Variants in PLXNB2 observed in about 807,000 individuals in gnomAD.
PLXNB2 encodes plexin B2.
A neutral mutation model predicts 202.6 loss-of-function variants in PLXNB2; 85 were observed. That is an observed-to-expected ratio of 0.42 (90% CI 0.35 to 0.50). The LOEUF (loss-of-function observed/expected upper bound fraction) is 0.50, where lower values mean the gene tolerates loss of function less well. Among genes scored for constraint, PLXNB2 ranks in the 20% least tolerant of loss-of-function variants. The pLI is 0.02. For synonymous variants in PLXNB2, 1,239 were observed against 1,137.6 expected, an observed-to-expected ratio of 1.09 and a Z score of -1.79; for missense variants, 2,063 against 2,586.2, an observed-to-expected ratio of 0.80 and a Z score of 4.39.
chr22:50,275,442 C>CT lies in PLXNB2; in HGVS notation c.*261dup, dbSNP rs2065476966. 1 of 602,968 alleles carries CT rather than the reference C, an allele frequency of 1.7e-6. No homozygotes were observed. The highest frequency in any genetic ancestry group is 1.8e-5 in the African/African-American group (1 of 54,900). 37.4% of individuals were successfully genotyped at this position (602,968 alleles called of 1,614,324 possible). A position where few individuals can be genotyped will look rare whatever the true frequency, so the allele number is the denominator to read the frequency against. On this transcript the variant is annotated 3_prime_UTR_variant, in exon 37 of 37. Transcript: ENST00000359337. ...AGGCACATTTTCAAATCACTGGAGA[C>CT]TCGACAGTGAACACCCGATGCTGGT...
Position 50,284,985 on chromosome 22 carries a change from C to T in PLXNB2, c.2089-320G>A, listed in dbSNP as rs1252743586. Reference sequence around the variant, plus strand: ...CCTCCTCAGGAGGTGGCACTGGCCCCTCAATCTCCACACGCCTGCCTCCTC... The same window carrying T: ...CCTCCTCAGGAGGTGGCACTGGCCCTTCAATCTCCACACGCCTGCCTCCTC... On this transcript the variant is annotated intron_variant, in intron 11 of 36. Coordinates refer to ENST00000359337, the MANE Select transcript of PLXNB2 (RefSeq NM_012401.4). This position sits in a 1 kb window ranked among gnomAD's most constrained non-coding sequence, Gnocchi z 8.0. 5.1e-5 allele frequency: 25 copies of T among 489,572 alleles called. No individual in the cohort carries two copies. In the East Asian group the frequency reaches 1.2e-3, roughly 23 times the overall value. 30.3% of individuals were successfully genotyped at this position (489,572 alleles called of 1,614,324 possible). A position where few individuals can be genotyped will look rare whatever the true frequency, so the allele number is the denominator to read the frequency against.
chr22:50,281,922 G>T lies in PLXNB2; in HGVS notation c.3277C>A (p.Pro1093Thr). Reference protein sequence around the residue: ...RTEAGAFEYVPDPTFENFTGG... With the variant: ...RTEAGAFEYVTDPTFENFTGG... Reference sequence around the variant, plus strand: ...GTGAAGTTCTCAAAGGTGGGGTCAGGCACGTACTCGAAGGCCCCGGCCTCT... The same window carrying T: ...GTGAAGTTCTCAAAGGTGGGGTCAGTCACGTACTCGAAGGCCCCGGCCTCT... The change falls in exon 20 of 37, where the codon CCT (proline) becomes ACT (threonine). Residue 1093 changes from proline (P) to threonine (T), a missense_variant. By Grantham distance (38) the Pro-to-Thr change is conservative (BLOSUM62 -1). Transcript: ENST00000359337. 6.2e-7 allele frequency: 1 copy of T among 1,613,084 alleles called. No individual in the cohort carries two copies. The highest frequency in any genetic ancestry group is 8.5e-7 in the Non-Finnish European group (1 of 1,179,994).
intron 1 of PLXNB2, among the ~76,000 whole-genome samples, chr22:50,305,606 G>GA (rs2067856133): frequency 6.6e-6 from 1 of 152,218 alleles, no homozygotes; most frequent in Admixed American, 6.5e-5. Context: ...GTCAGGAGCT[G>GA]AATAGGGAGT....
At chr22:50,296,957 C>T (rs1040991590) in intron 1 of PLXNB2, among the ~76,000 whole-genome samples, 5 of 152,276 alleles carry the variant, frequency 3.3e-5, no homozygotes, top group East Asian at 1.9e-4. Flanking sequence ...AGGGTTAACC[C>T]GGCCAAAGGG....
chr22:50,285,946 C>G (rs764375064), intron 10 of PLXNB2, 44 bp downstream of exon 10: 1 of 1,606,204 alleles, frequency 6.2e-7, no homozygotes, highest in Admixed American at 1.7e-5. Flanking sequence ...CACAGCGGAG[C>G]AGCCATGCCC....
intron 1 of PLXNB2, among the ~76,000 whole-genome samples, chr22:50,295,043 G>T (rs111744454): frequency 4.6e-5 from 7 of 152,094 alleles, no homozygotes; most frequent in Non-Finnish European, 7.4e-5. Context: ...TTCTGAGGCC[G>T]GGTGCGGTGG....
chr22:50,290,768 A>T (rs1271864193), intron 2 of PLXNB2, among the ~76,000 whole-genome samples, 171 bp from the exon 3 acceptor site: 1 of 152,156 alleles, frequency 6.6e-6, no homozygotes, highest in Non-Finnish European at 1.5e-5. Flanking sequence ...GCCATCCTCG[A>T]GGTCTCGCCG....
Position 50,278,138 on chromosome 22 carries a change from C to G in PLXNB2, c.4866G>C (p.Leu1622=), listed in dbSNP as rs1242359909. The G allele has an allele frequency of 6.2e-7, 1 of 1,603,010 alleles. No homozygotes were observed. Among genetic ancestry groups the G allele is most frequent in the South Asian group, 1.1e-5 (1 of 91,074 alleles). The part of the protein sequence containing the change: ...ERTKAITEIY[L]TRLLSVKGTL... ...CCACCTTGACTGAGAGCAGCCGCGT[C>G]AGGTAGATCTCGGTGATGGCCTTCG... Residue 1622 remains leucine (L), a synonymous_variant, in exon 31 of 37, where the codon CTG becomes CTC. Transcript: ENST00000359337.
In PLXNB2 at chr22:50,297,959, T is replaced by C. The variant is rs2067393374; in HGVS notation, c.-73-3181A>G. ...CCACGTCCATGTTCACTGTGCTCCC[T>C]GGAAAGCCCCTGCCCATCCTTTAGA... On this transcript the variant is annotated intron_variant, in intron 1 of 36. Coordinates refer to ENST00000359337, the MANE Select transcript of PLXNB2 (RefSeq NM_012401.4). The surrounding 1 kb of genome is among the most constrained non-coding windows in gnomAD (Gnocchi z 5.3). Among the ~76,000 whole-genome samples the C allele has an allele frequency of 6.6e-6, 1 of 152,190 alleles. No homozygotes were observed. Among genetic ancestry groups the C allele is most frequent in the South Asian group, 2.1e-4 (1 of 4,822 alleles).
chr22:50,279,173 C>G (rs2147344479), intron 27 of PLXNB2, among the ~76,000 whole-genome samples, 162 bp from the exon 28 acceptor site: 1 of 152,362 alleles, frequency 6.6e-6, no homozygotes, highest in Non-Finnish European at 1.5e-5. Flanking sequence ...CCCAGATGAC[C>G]ACACTCTGCC....
In PLXNB2 at chr22:50,284,458, C is replaced by T; in HGVS notation, c.2181+115G>A. 1 of 840,036 alleles carries T rather than the reference C, an allele frequency of 1.2e-6. No individual in the cohort carries two copies. Among genetic ancestry groups the T allele is most frequent in the South Asian group, 1.6e-5 (1 of 62,160 alleles). The allele number at this position is 840,036 out of a possible 1,614,324, so 52.0% of individuals were successfully genotyped here. ...AGGGCATGGCGAGCCCCTGGCTGGG[C>T]TCTGGTCCCTGGGGTCTCCCTGCTG... On this transcript the variant is annotated intron_variant, in intron 12 of 36. Coordinates refer to ENST00000359337, the MANE Select transcript of PLXNB2 (RefSeq NM_012401.4). The surrounding 1 kb of genome is among the most constrained non-coding windows in gnomAD (Gnocchi z 8.0).
intron 2 of PLXNB2, among the ~76,000 whole-genome samples, chr22:50,292,236 G>T (rs903582081): frequency 6.6e-6 from 1 of 151,646 alleles, no homozygotes; most frequent in African/African-American, 2.4e-5. Flanking sequence ...TACTCCAGAG[G>T]CTGAGGCAGG....
chr22:50,288,020 C>A lies in PLXNB2; in HGVS notation c.1398G>T (p.Val466=). 6.4e-7 allele frequency: 1 copy of A among 1,561,084 alleles called. No individual in the cohort carries two copies. The highest frequency in any genetic ancestry group is 8.7e-7 in the Non-Finnish European group (1 of 1,153,230). ...AGGTCGGGTAGCTCAGGCACTCCTG[C>A]ACCGGCAGCCGGAACACCTAGGGCA... is the stretch of plus-strand genomic sequence containing the variant. The part of the protein sequence containing the change: ...MTQDKVFRLP[V]QECLSYPTCT... The change falls in exon 6 of 37, where the codon GTG becomes GTT. Residue 466 remains valine, a synonymous_variant. Transcript: ENST00000359337. This position sits in a 1 kb window ranked among gnomAD's most constrained non-coding sequence, Gnocchi z 5.0.
intron 8 of PLXNB2, 50 bp from the exon 9 acceptor site, chr22:50,286,337 G>C: frequency 7.6e-7 from 1 of 1,313,696 alleles, no homozygotes; most frequent in Non-Finnish European, 1.1e-6. Flanking sequence ...CAGGGCCGAG[G>C]GCCAGGCTGG....
At chr22:50,303,627 G>C (rs766553158) in intron 1 of PLXNB2, among the ~76,000 whole-genome samples, 14 of 152,240 alleles carry the variant, frequency 9.2e-5, no homozygotes, top group Non-Finnish European at 1.8e-4. Context: ...TCTCTCTTGC[G>C]CTTGCTGCGG....
intron 1 of PLXNB2, among the ~76,000 whole-genome samples, chr22:50,298,584 T>A (rs1394119163): frequency 1.3e-5 from 2 of 152,192 alleles, no homozygotes; most frequent in African/African-American, 4.8e-5. Context: ...GCGGGGTGGT[T>A]CCAGTGGGGA....
At chr22:50,300,182 A>C in intron 1 of PLXNB2, 3 of 768,186 alleles carry the variant, frequency 3.9e-6, no homozygotes, top group Non-Finnish European at 4.7e-6. Context: ...GGGGCCCAGG[A>C]CGCGCGGGCG....
intron 30 of PLXNB2, 25 bp from the exon 31 acceptor site, chr22:50,278,296 C>T (rs752759021): frequency 1.2e-6 from 2 of 1,609,318 alleles, no homozygotes; most frequent in Admixed American, 3.3e-5. Flanking sequence ...CACTGAGGGA[C>T]CCCTACCCAG....
rs755621229 is a variant in PLXNB2, at chr22:50,280,523, C to T, written c.4141G>A (p.Val1381Met). ...ATCAGCTTGGGGTTCTTGGCCACCA[C>T]GTACTGCTCCAGGAGCTCCAGGAAG... Reference protein sequence around the residue: ...TLFLELLEQYVVAKNPKLMLR... With the variant: ...TLFLELLEQYMVAKNPKLMLR... The change falls in exon 25 of 37, where the codon GTG becomes ATG. Residue 1381 changes from valine to methionine, a missense_variant. Coordinates refer to ENST00000359337, the MANE Select transcript of PLXNB2 (RefSeq NM_012401.4). 3.2e-5 allele frequency: 52 copies of T among 1,611,032 alleles called. No homozygotes were observed. The East Asian group carries it at 4.9e-4, about 15-fold the overall frequency.
Sources: allele counts gnomAD v4.1 joint callset (sites outside exome capture counted in the v4.1 genomes callset), GRCh38; gene constraint gnomAD v4.1.1; non-coding constraint Gnocchi (gnomAD v3.1); transcripts MANE v1.5; gene names NCBI Gene and HGNC (gene_info 2026-07-23, HGNC 2026-07-21).